The following SLC19A1 variants were observed in gnomAD, a reference collection of about 807,000 sequenced individuals.
The protein encoded by SLC19A1 is solute carrier family 19 member 1.
SLC19A1 carries 37 observed loss-of-function variants against 35.3 expected under a neutral mutation model. That is an observed-to-expected ratio of 1.05 (90% CI 0.81 to 1.38). The LOEUF is 1.38. Among genes scored for constraint, SLC19A1 ranks in the 40% most tolerant of loss-of-function variants. The pLI is 0.00. For synonymous variants in SLC19A1, 460 were observed against 398.5 expected (o/e 1.15, Z -1.84); for missense variants, 831 against 826.9 (o/e 1.00, Z -0.06).
chr21:45,507,528 C>G (rs1488807128), intron 3 of SLC19A1: 1 of 1,609,730 alleles, frequency 6.2e-7, no homozygotes, highest in Admixed American at 1.7e-5. Flanking sequence ...GGCCCAGCCG[C>G]AGGTCCTGGG....
chr21:45,554,812 C>T (rs1031736819), intron 1 of SLC19A1, among the ~76,000 whole-genome samples: 8 of 151,814 alleles, frequency 5.3e-5, no homozygotes, highest in African/African-American at 1.9e-4. Context: ...CTTTCTCTTA[C>T]GGTTTCGGTT....
intron 3 of SLC19A1, chr21:45,503,934 A>G: frequency 1.3e-6 from 2 of 1,538,890 alleles, no homozygotes; most frequent in Non-Finnish European, 1.8e-6. Flanking sequence ...CAAACCCACC[A>G]GTGCTGGGGG....
chr21:45,543,048 C>G (rs1473895220), upstream of SLC19A1, among the ~76,000 whole-genome samples: 1 of 152,120 alleles, frequency 6.6e-6, no homozygotes, highest in Non-Finnish European at 1.5e-5. Flanking sequence ...TGACCGTGAC[C>G]CGTACGGGCT....
At chr21:45,506,132 T>A in intron 3 of SLC19A1, 1 of 1,090,712 alleles carries the variant, frequency 9.2e-7, no homozygotes, top group Non-Finnish European at 1.3e-6. Flanking sequence ...AATACTTTTG[T>A]GAGCAGTTTT....
intron 1 of SLC19A1, among the ~76,000 whole-genome samples, chr21:45,539,608 TG>T (rs2078240551): frequency 1.3e-5 from 2 of 152,126 alleles, no homozygotes; most frequent in Admixed American, 1.3e-4. Context: ...CCACTCAGGC[TG>T]GAAGTGCTCC....
At chr21:45,511,461 C>T (rs188715420), downstream of SLC19A1, among the ~76,000 whole-genome samples, 10 of 152,288 alleles carry the variant, frequency 6.6e-5, no homozygotes, top group East Asian at 1.9e-4. Flanking sequence ...AAGGTGCCCC[C>T]GGCCCTCTGC....
At chr21:45,546,027 G>A (rs2078411687), upstream of SLC19A1, among the ~76,000 whole-genome samples, 1 of 152,208 alleles carries the variant, frequency 6.6e-6, no homozygotes, top group Non-Finnish European at 1.5e-5. Context: ...ACTCCCAGCG[G>A]CCAGGGGTAG....
rs202114789 is a variant in SLC19A1, at chr21:45,525,929, T to A, written c.1181A>T (p.Glu394Val). 2.2e-5 allele frequency: 36 copies of A among 1,613,380 alleles called. No homozygotes were observed. Among genetic ancestry groups the A allele is most frequent in the Middle Eastern group, 1.6e-4 (1 of 6,082 alleles). The change falls in exon 5 of 6, where the codon GAG becomes GTG. Residue 394 changes from glutamate (E) to valine (V), a missense_variant. Glu to Val is a moderately radical substitution (Grantham distance 121). Coordinates refer to ENST00000311124, the MANE Select transcript of SLC19A1 (RefSeq NM_194255.4). ...GACCCCGAAGACCAGGGCACAGAGC[T>A]CTTTAGACAGAGAAGATGCAATCTG... is the stretch of plus-strand genomic sequence containing the variant. ...TFQIASSLSK[E>V]LCALVFGVNT...
intron 3 of SLC19A1, chr21:45,505,809 C>G: frequency 6.3e-7 from 1 of 1,579,802 alleles, no homozygotes. Context: ...CCCCGCCAAG[C>G]CCCACACCTC....
At chr21:45,529,499 C>A (rs900327972) in intron 4 of SLC19A1, among the ~76,000 whole-genome samples, 1 of 152,180 alleles carries the variant, frequency 6.6e-6, no homozygotes. Context: ...GTCCAGGGAG[C>A]AGGACCCTGT....
rs1342416621 is a variant in SLC19A1 at position 45,514,930 on chromosome 21, C to T, written c.*728G>A. 7.2e-7 allele frequency: 1 copy of T among 1,391,288 alleles called. No individual in the cohort carries two copies. Among genetic ancestry groups the T allele is most frequent in the Non-Finnish European group, 9.5e-7 (1 of 1,050,750 alleles). The allele number at this position is 1,391,288 out of a possible 1,614,324, so 86.2% of individuals were successfully genotyped here. On this transcript the variant is annotated 3_prime_UTR_variant, in exon 6 of 6. Coordinates refer to ENST00000311124, the MANE Select transcript of SLC19A1 (RefSeq NM_194255.4). ...CACGTCCGCGGTGACCGGGACCAGT[C>T]CCCTCCGGGCTGGCACAAGTGTGGG...
intron 1 of SLC19A1, among the ~76,000 whole-genome samples, chr21:45,549,626 G>A (rs1438906026): frequency 7.7e-6 from 1 of 129,964 alleles, no homozygotes; most frequent in Admixed American, 7.8e-5. Context: ...CAGTGATGTG[G>A]CAGGGGAGGG....
chr21:45,514,534 G>C lies in SLC19A1; in HGVS notation c.*1124C>G, dbSNP rs1463812070. ...ATTCACCTGGGGCCGCTGAGATGTG[G>C]CAGAGGCCCCACAGGATAGGGCCGT... On this transcript the variant is annotated 3_prime_UTR_variant, in exon 6 of 6. Coordinates refer to ENST00000311124, the MANE Select transcript of SLC19A1 (RefSeq NM_194255.4). 2 of 155,324 alleles carry C rather than the reference G, an allele frequency of 1.3e-5. No homozygotes were observed. Among genetic ancestry groups the C allele is most frequent in the African/African-American group, 4.8e-5 (2 of 41,568 alleles). 9.6% of individuals were successfully genotyped at this position (155,324 alleles called of 1,614,324 possible).
chr21:45,532,822 C>A (rs1201674788), intron 2 of SLC19A1, among the ~76,000 whole-genome samples: 2 of 152,238 alleles, frequency 1.3e-5, no homozygotes, highest in African/African-American at 4.8e-5. Context: ...TACACATTCA[C>A]ACCAGCACAA....
downstream of SLC19A1, among the ~76,000 whole-genome samples, chr21:45,508,705 TCTCA>T (rs1405535631): frequency 6.6e-6 from 1 of 152,178 alleles, no homozygotes; most frequent in Non-Finnish European, 1.5e-5. Flanking sequence ...CCCAGTCTGC[TCTCA>T]CTCATTTGCT....
Position 45,534,725 on chromosome 21 carries a change from G to T in SLC19A1, c.190-2577C>A. 1 of 784,866 alleles carries T rather than the reference G, an allele frequency of 1.3e-6. No homozygotes were observed. Among genetic ancestry groups the T allele is most frequent in the Non-Finnish European group, 2.1e-6 (1 of 487,514 alleles). 48.6% of individuals were successfully genotyped at this position (784,866 alleles called of 1,614,324 possible). A position where few individuals can be genotyped will look rare whatever the true frequency, so the allele number is the denominator to read the frequency against. On this transcript the variant is annotated intron_variant, in intron 2 of 5. Coordinates refer to ENST00000311124, the MANE Select transcript of SLC19A1 (RefSeq NM_194255.4). This position sits in a 1 kb window ranked among gnomAD's most constrained non-coding sequence, Gnocchi z 4.2. ...AACGGCCCCTACTCCCTCTTCCTCA[G>T]CCTTGGCAGGCAGACAGCAGGGAGG...
At chr21:45,548,425 A>G (rs2078434238), upstream of SLC19A1, among the ~76,000 whole-genome samples, 1 of 152,234 alleles carries the variant, frequency 6.6e-6, no homozygotes, top group South Asian at 2.1e-4. Flanking sequence ...CAACTGAGTA[A>G]TAAGAAAATA....
intron 3 of SLC19A1, among the ~76,000 whole-genome samples, 177 bp from the exon 4 acceptor site, chr21:45,531,148 G>A (rs1201934904): frequency 7.7e-6 from 1 of 130,330 alleles, no homozygotes; most frequent in African/African-American, 2.9e-5. Context: ...AAGGATCCAC[G>A]GGGCAGGGGG....
At chr21:45,504,229 C>T in intron 3 of SLC19A1, 1 of 920,210 alleles carries the variant, frequency 1.1e-6, no homozygotes, top group Non-Finnish European at 1.7e-6. Context: ...GTCCCCGGCT[C>T]AGTTTTTGGG....
Sources: allele counts gnomAD v4.1 joint callset (sites outside exome capture counted in the v4.1 genomes callset), GRCh38; gene constraint gnomAD v4.1.1; non-coding constraint Gnocchi (gnomAD v3.1); transcripts MANE v1.5; gene names NCBI Gene and HGNC (gene_info 2026-07-23, HGNC 2026-07-21).